Variants in PLD5 observed in about 807,000 individuals in gnomAD.
PLD5 encodes the protein phospholipase D family member 5.
Under a neutral mutation model 61.1 loss-of-function variants are expected in PLD5, and 36 were observed. The ratio of observed to expected loss-of-function variants is 0.59; its 90% CI spans 0.45 to 0.78. The LOEUF (loss-of-function observed/expected upper bound fraction) is 0.78, where lower values mean the gene tolerates loss of function less well. Ranked by LOEUF, PLD5 falls within the 30% of genes least tolerant of loss-of-function variation. PLD5 has a pLI of 0.00. For synonymous variants in PLD5, 243 were observed against 242.8 expected (o/e 1.00, Z -0.01); for missense variants, 515 against 644.4 (o/e 0.80, Z 2.17).
chr1:242,265,296 G>GAACAC (rs1185308411), intron 4 of PLD5, 41 bp downstream of exon 4: 1 of 1,580,694 alleles, frequency 6.3e-7, no homozygotes, highest in Non-Finnish European at 8.5e-7. Flanking sequence ...TATCTTAACA[G>GAACAC]AACACCCAGC....
intron 1 of PLD5, among the ~76,000 whole-genome samples, chr1:242,400,236 C>G (rs1292575582): frequency 6.6e-6 from 1 of 151,238 alleles, no homozygotes; most frequent in Non-Finnish European, 1.5e-5. Context: ...AGTTTCATCC[C>G]CAAACCATCC....
intron 1 of PLD5, among the ~76,000 whole-genome samples, chr1:242,454,247 C>T (rs577125776): frequency 2.0e-5 from 3 of 151,076 alleles, no homozygotes; most frequent in South Asian, 2.1e-4. Flanking sequence ...GCAGGAGAAT[C>T]GCTTGAACCT....
chr1:242,222,487 C>T (rs138538874), intron 4 of PLD5, among the ~76,000 whole-genome samples: 15 of 152,332 alleles, frequency 9.8e-5, no homozygotes, highest in African/African-American at 2.2e-4. Context: ...CTCTCTTATT[C>T]TGCCTAGAAA....
Position 242,089,502 on chromosome 1 carries a change from G to A in PLD5, c.*352C>T. The A allele has an allele frequency of 2.1e-6, 1 of 483,500 alleles. No individual in the cohort carries two copies. The highest frequency in any genetic ancestry group is 5.0e-5 in the South Asian group (1 of 19,876). 30.0% of individuals were successfully genotyped at this position (483,500 alleles called of 1,614,324 possible). On this transcript the variant is annotated 3_prime_UTR_variant, in exon 10 of 10. Coordinates refer to ENST00000536534, the MANE Select transcript of PLD5 (RefSeq NM_001372062.1). ...CAACAGTTCTCAGAATGGTGTTAAAGAGCCCACCTCATGCTAAGCTTCCTA... is the reference window on the plus strand; with the variant it reads ...CAACAGTTCTCAGAATGGTGTTAAAAAGCCCACCTCATGCTAAGCTTCCTA...
intron 1 of PLD5, among the ~76,000 whole-genome samples, chr1:242,391,037 T>A (rs965625564): frequency 6.6e-6 from 1 of 151,622 alleles, no homozygotes; most frequent in Non-Finnish European, 1.5e-5. Flanking sequence ...TAAAAAAAAA[T>A]ACAAAAAATT....
At chr1:242,315,926 A>G (rs1262047714) in intron 2 of PLD5, among the ~76,000 whole-genome samples, 1 of 152,208 alleles carries the variant, frequency 6.6e-6, no homozygotes, top group Non-Finnish European at 1.5e-5. Flanking sequence ...ACATACACTT[A>G]ATAGGGTTGA....
chr1:242,372,825 A>G (rs1414820958), intron 1 of PLD5, among the ~76,000 whole-genome samples: 3 of 97,532 alleles, frequency 3.1e-5, no homozygotes, highest in African/African-American at 9.7e-5. Context: ...TGTCAGACCT[A>G]AAACCATAAA....
At chr1:242,328,657 C>T (rs1027091504) in intron 2 of PLD5, among the ~76,000 whole-genome samples, 6 of 152,250 alleles carry the variant, frequency 3.9e-5, no homozygotes, top group Admixed American at 6.5e-5. Context: ...AAATAGTTCT[C>T]GAGAACAAGA....
At chr1:242,325,216 G>A (rs1412366887) in intron 2 of PLD5, among the ~76,000 whole-genome samples, 6 of 151,834 alleles carry the variant, frequency 4.0e-5, no homozygotes, top group East Asian at 1.9e-4. Flanking sequence ...AAGTAAGCAC[G>A]AACTCTAATT....
intron 1 of PLD5, among the ~76,000 whole-genome samples, chr1:242,400,076 G>C (rs1233036288): frequency 6.6e-6 from 1 of 152,200 alleles, no homozygotes; most frequent in East Asian, 1.9e-4. Flanking sequence ...CGTGAGGCAG[G>C]AGAACCACTT....
chr1:242,110,607 C>T (rs1381066886), intron 7 of PLD5, among the ~76,000 whole-genome samples: 5 of 152,072 alleles, frequency 3.3e-5, no homozygotes, highest in Admixed American at 6.5e-5. Context: ...GTCAGGAGTT[C>T]GAGACCAGCC....
intron 1 of PLD5, among the ~76,000 whole-genome samples, chr1:242,510,051 G>A (rs1348203482): frequency 1.3e-5 from 2 of 152,064 alleles, no homozygotes; most frequent in South Asian, 2.1e-4. Context: ...TCTTTTCTTC[G>A]TTCTCATTGG....
At position 242,089,663 on chromosome 1, in the gene PLD5, CA is replaced by C. The variant is rs1659660525; in HGVS notation, c.*190del. The C allele has an allele frequency of 4.4e-6, 3 of 678,080 alleles. No homozygotes were observed. Among genetic ancestry groups the C allele is most frequent in the Non-Finnish European group, 7.1e-6 (3 of 422,424 alleles). The allele number at this position is 678,080 out of a possible 1,614,324, so 42.0% of individuals were successfully genotyped here. On this transcript the variant is annotated 3_prime_UTR_variant, in exon 10 of 10. Transcript: ENST00000536534. ...CATTCTCTGTCAGAGGTAACAAATACAAAAGTCTTAATTTTAGTGTACACGA... is the reference window on the plus strand; with the variant it reads ...CATTCTCTGTCAGAGGTAACAAATACAAAGTCTTAATTTTAGTGTACACGA...
chr1:242,363,608 T>C (rs149694510), intron 1 of PLD5, among the ~76,000 whole-genome samples: 2,518 of 151,758 alleles, frequency 0.017, 30 homozygotes, highest in East Asian at 0.032. Flanking sequence ...TAGTAATATC[T>C]ACCAGACATG....
At chr1:242,317,284 G>A (rs910451648) in intron 2 of PLD5, among the ~76,000 whole-genome samples, 1 of 152,076 alleles carries the variant, frequency 6.6e-6, no homozygotes, top group Non-Finnish European at 1.5e-5. Context: ...CAAAGTGCTG[G>A]GATTAGAGGC....
intron 1 of PLD5, among the ~76,000 whole-genome samples, chr1:242,478,198 T>C (rs1211216006): frequency 1.3e-5 from 2 of 152,190 alleles, no homozygotes; most frequent in East Asian, 1.9e-4. Context: ...CCGGAGTCTT[T>C]CCACTAATCA....
At chr1:242,408,774 T>C (rs1020834693) in intron 1 of PLD5, among the ~76,000 whole-genome samples, 1 of 151,964 alleles carries the variant, frequency 6.6e-6, no homozygotes, top group African/African-American at 2.4e-5. Context: ...GCTTTGAAAA[T>C]TTTAGAAAAA....
rs369727377 is a variant in PLD5, at chr1:242,107,200, G to A, written c.1239+471C>T. Among the ~76,000 whole-genome samples, 9 of 152,268 alleles carry A rather than the reference G, an allele frequency of 5.9e-5. 1 individual carries two copies. Among genetic ancestry groups the A allele is most frequent in the African/African-American group, 1.9e-4 (8 of 41,562 alleles). On this transcript the variant is annotated intron_variant, in intron 8 of 9. Coordinates refer to ENST00000536534, the MANE Select transcript of PLD5 (RefSeq NM_001372062.1). ...GTTCAAGGAAGATGGAGAGGGCCGG[G>A]TGCGGTGGCTCATGTTGGTAGTCCC... is the stretch of plus-strand genomic sequence containing the variant.
At chr1:242,348,015 G>A in intron 2 of PLD5, 91 bp downstream of exon 2, 1 of 1,495,454 alleles carries the variant, frequency 6.7e-7, no homozygotes, top group Non-Finnish European at 9.1e-7. Context: ...ATGACTACGT[G>A]TGTTTATGTA....
Sources: gnomAD v4.1 joint callset for allele counts (sites outside exome capture counted in the v4.1 genomes callset) on GRCh38, gnomAD v4.1.1 for gene constraint, MANE v1.5 for transcripts, NCBI Gene and HGNC (gene_info 2026-07-23, HGNC 2026-07-21) for gene names.